Variants in ATP8B4 observed in about 807,000 individuals in gnomAD.
ATP8B4 encodes the protein ATPase phospholipid transporting 8B4 (putative).
ATP8B4 carries 133 observed loss-of-function variants against 145.6 expected under a neutral mutation model. The ratio of observed to expected loss-of-function variants is 0.91; its 90% CI spans 0.79 to 1.05. The LOEUF (loss-of-function observed/expected upper bound fraction) is 1.05. Among genes scored for constraint, ATP8B4 ranks in the 50% least tolerant of loss-of-function variants. The pLI, the probability that ATP8B4 is intolerant of heterozygous loss-of-function variation, is 0.00. For missense variants in ATP8B4, 1,458 were observed against 1,425.2 expected, an observed-to-expected ratio of 1.02 and a Z score of -0.37; for synonymous variants, 507 against 492.9, an observed-to-expected ratio of 1.03 and a Z score of -0.38.
intron 1 of ATP8B4, among the ~76,000 whole-genome samples, chr15:50,113,481 TA>T (rs113124308): frequency 1.3e-5 from 2 of 149,850 alleles, no homozygotes; most frequent in African/African-American, 2.5e-5. Context: ...AAAGTAGAAG[TA>T]AAAAAAAAAT....
At chr15:50,072,401 G>A (rs574491248) in intron 3 of ATP8B4, among the ~76,000 whole-genome samples, 1 of 152,230 alleles carries the variant, frequency 6.6e-6, no homozygotes, top group Non-Finnish European at 1.5e-5. Flanking sequence ...AACTTACACA[G>A]AGTCATAGAA....
At chr15:50,081,570 T>C (rs1372909136) in intron 2 of ATP8B4, among the ~76,000 whole-genome samples, 1 of 152,200 alleles carries the variant, frequency 6.6e-6, no homozygotes, top group African/African-American at 2.4e-5. Flanking sequence ...TTATACATTA[T>C]CCAACTTCCA....
chr15:49,931,032 C>T, intron 16 of ATP8B4, 87 bp downstream of exon 16: 1 of 1,403,678 alleles, frequency 7.1e-7, no homozygotes, highest in Non-Finnish European at 9.7e-7. Flanking sequence ...CAACCCTCAG[C>T]ACATAGCCAA....
chr15:49,862,993 T>G (rs28739554), intron 26 of ATP8B4, among the ~76,000 whole-genome samples: 1,795 of 152,262 alleles, frequency 0.012, 39 homozygotes, highest in African/African-American at 0.041. Flanking sequence ...AAAGGCACAT[T>G]TACCCTTTAC....
chr15:49,919,607 C>T (rs1213522077), intron 18 of ATP8B4, among the ~76,000 whole-genome samples: 8 of 151,996 alleles, frequency 5.3e-5, no homozygotes, highest in African/African-American at 1.7e-4. Context: ...TTAGTAGAGA[C>T]GGGGTTTCAC....
At chr15:49,954,838 A>G (rs1020032579) in intron 14 of ATP8B4, among the ~76,000 whole-genome samples, 1 of 152,164 alleles carries the variant, frequency 6.6e-6, no homozygotes, top group Admixed American at 6.5e-5. Flanking sequence ...TCCCAAAAGA[A>G]AATAAATCAT....
At chr15:49,887,392 G>C (rs2036317089) in intron 23 of ATP8B4, among the ~76,000 whole-genome samples, 1 of 147,136 alleles carries the variant, frequency 6.8e-6, no homozygotes, top group African/African-American at 2.5e-5. Flanking sequence ...GCCCTGAAGA[G>C]AGGGGCAGGG....
intron 3 of ATP8B4, among the ~76,000 whole-genome samples, chr15:50,064,183 G>A (rs2053219652): frequency 6.6e-6 from 1 of 151,960 alleles, no homozygotes; most frequent in Admixed American, 6.6e-5. Context: ...TTTTCCTTTT[G>A]TATAAAAAAA....
At chr15:50,125,987 A>C (rs974381173) in intron 1 of ATP8B4, among the ~76,000 whole-genome samples, 5 of 152,162 alleles carry the variant, frequency 3.3e-5, no homozygotes, top group African/African-American at 1.2e-4. Context: ...TTTTAGGTCG[A>C]TATCTGCCCT....
chr15:50,066,476 T>C (rs1287731675), intron 3 of ATP8B4, among the ~76,000 whole-genome samples: 2 of 152,106 alleles, frequency 1.3e-5, no homozygotes, highest in African/African-American at 2.4e-5. Flanking sequence ...ATCAGCCCCA[T>C]AGGTGAGGAT....
chr15:50,136,115 C>G (rs2044118532), intron 1 of ATP8B4, among the ~76,000 whole-genome samples: 1 of 152,158 alleles, frequency 6.6e-6, no homozygotes, highest in African/African-American at 2.4e-5. Flanking sequence ...ATGCCCATTC[C>G]ATCCCAGAGT....
At chr15:50,033,984 T>C (rs2050639901) in intron 6 of ATP8B4, among the ~76,000 whole-genome samples, 1 of 152,186 alleles carries the variant, frequency 6.6e-6, no homozygotes, top group Admixed American at 6.5e-5. Flanking sequence ...TTAGGAAGAT[T>C]CCATGTCTTT....
At chr15:49,910,113 A>G (rs1247052337) in intron 20 of ATP8B4, among the ~76,000 whole-genome samples, 1 of 152,236 alleles carries the variant, frequency 6.6e-6, no homozygotes, top group South Asian at 2.1e-4. Flanking sequence ...AAAACAATTC[A>G]GGATATGATT....
At chr15:50,170,114 T>A (rs900283661) in intron 1 of ATP8B4, among the ~76,000 whole-genome samples, 3 of 152,132 alleles carry the variant, frequency 2.0e-5, no homozygotes, top group African/African-American at 7.2e-5. Flanking sequence ...TTTGGGGGAA[T>A]AATTGAGGAA....
At chr15:50,056,565 G>A (rs1163702284) in intron 3 of ATP8B4, among the ~76,000 whole-genome samples, 2 of 152,008 alleles carry the variant, frequency 1.3e-5, no homozygotes, top group Non-Finnish European at 2.9e-5. Context: ...GTCCCCTAGG[G>A]GTGCTCGTTT....
At chr15:50,173,049 C>A (rs1385440319) in intron 1 of ATP8B4, among the ~76,000 whole-genome samples, 1 of 145,344 alleles carries the variant, frequency 6.9e-6, no homozygotes, top group Non-Finnish European at 1.5e-5. Flanking sequence ...GCAGCCTCCG[C>A]CCGGCCAGCC....
At chr15:49,874,605 T>C (rs1408666893) in intron 25 of ATP8B4, among the ~76,000 whole-genome samples, 1 of 152,210 alleles carries the variant, frequency 6.6e-6, no homozygotes, top group East Asian at 1.9e-4. Context: ...TAATGGTTAC[T>C]TTGAGCCTAA....
intron 1 of ATP8B4, among the ~76,000 whole-genome samples, chr15:50,177,147 T>A (rs2044776362): frequency 6.6e-6 from 1 of 152,216 alleles, no homozygotes. Flanking sequence ...CACACAAAAT[T>A]TCTATTTGTA....
chr15:50,102,881 A>G (rs185197461), intron 2 of ATP8B4, among the ~76,000 whole-genome samples: 49 of 152,280 alleles, frequency 3.2e-4, no homozygotes, highest in African/African-American at 1.2e-3. Context: ...AACATATCAA[A>G]AAGATTCTCC....
Sources: allele counts gnomAD v4.1 joint callset (sites outside exome capture counted in the v4.1 genomes callset), GRCh38; gene constraint gnomAD v4.1.1; transcripts MANE v1.5; gene names NCBI Gene and HGNC (gene_info 2026-07-23, HGNC 2026-07-21).